Variants in NDUFAF2 observed in about 807,000 individuals in gnomAD.
NDUFAF2 encodes NADH dehydrogenase [ubiquinone] 1 alpha subcomplex assembly factor 2.
NDUFAF2 carries 13 observed loss-of-function variants against 22.8 expected under a neutral mutation model. That is an observed-to-expected ratio of 0.57 (90% confidence interval 0.37 to 0.91). The LOEUF (loss-of-function observed/expected upper bound fraction) is 0.91. NDUFAF2 is among the 40% of genes least tolerant of loss of function. The pLI is 0.01. For synonymous variants in NDUFAF2, 53 were observed against 64.2 expected, an observed-to-expected ratio of 0.83 and a Z score of 0.84; for missense variants, 162 against 195.2, an observed-to-expected ratio of 0.83 and a Z score of 1.01.
intron 1 of NDUFAF2, among the ~76,000 whole-genome samples, chr5:60,986,524 C>T (rs370582729): frequency 2.4e-4 from 37 of 151,920 alleles, no homozygotes; most frequent in African/African-American, 8.7e-4. Flanking sequence ...TTAGAAAGTT[C>T]TCAACCTAAT....
At chr5:61,008,034 C>T (rs1196574944) in intron 1 of NDUFAF2, among the ~76,000 whole-genome samples, 1 of 151,466 alleles carries the variant, frequency 6.6e-6, no homozygotes, top group Non-Finnish European at 1.5e-5. Flanking sequence ...TCATCATTCT[C>T]AGTAAACTAT....
At chr5:61,100,243 G>A (rs762868532) in intron 3 of NDUFAF2, among the ~76,000 whole-genome samples, 9 of 152,110 alleles carry the variant, frequency 5.9e-5, no homozygotes, top group Non-Finnish European at 1.3e-4. Flanking sequence ...AAGAGCTACT[G>A]TTATCATTTG....
At chr5:60,981,544 A>G (rs1750977164) in intron 1 of NDUFAF2, among the ~76,000 whole-genome samples, 1 of 152,224 alleles carries the variant, frequency 6.6e-6, no homozygotes, top group South Asian at 2.1e-4. Flanking sequence ...ATACTGTCAC[A>G]CTGAAGTTAT....
chr5:61,039,962 C>T (rs912836724), intron 1 of NDUFAF2, among the ~76,000 whole-genome samples: 2 of 152,040 alleles, frequency 1.3e-5, no homozygotes, highest in African/African-American at 4.8e-5. Flanking sequence ...CATCTCAGAT[C>T]CATTACTGAA....
chr5:61,133,560 G>A lies in NDUFAF2; in HGVS notation c.259-19144G>A, dbSNP rs183793930. On this transcript the variant is annotated intron_variant, in intron 3 of 3. Coordinates refer to ENST00000296597, the MANE Select transcript of NDUFAF2 (RefSeq NM_174889.5). The stretch of plus-strand genomic sequence containing the variant: ...TTTCTCAATTTTCAGCGTTACAAAG[G>A]GAAGGGGTATAAGCAATTTAAAAAA... Among the ~76,000 whole-genome samples, 704 of 152,120 alleles carry A rather than the reference G, an allele frequency of 4.6e-3. 1 individual carries two copies. Among genetic ancestry groups the A allele is most frequent in the Non-Finnish European group, 7.0e-3 (478 of 67,960 alleles).
intron 3 of NDUFAF2, among the ~76,000 whole-genome samples, chr5:61,124,264 T>G (rs1002559383): frequency 6.6e-6 from 1 of 152,092 alleles, no homozygotes; most frequent in African/African-American, 2.4e-5. Context: ...TATCAGATAA[T>G]TAATGCTTTT....
intron 1 of NDUFAF2, among the ~76,000 whole-genome samples, chr5:61,061,191 G>C (rs1021532384): frequency 5.3e-5 from 8 of 152,122 alleles, no homozygotes; most frequent in African/African-American, 1.9e-4. Context: ...ACTATATGCA[G>C]AAGAAAGGGA....
intron 3 of NDUFAF2, among the ~76,000 whole-genome samples, chr5:61,148,722 T>G (rs890069370): frequency 1.3e-5 from 2 of 152,224 alleles, no homozygotes; most frequent in African/African-American, 2.4e-5. Context: ...GAGCCCAAAT[T>G]CTATGCCACT....
At chr5:61,014,467 G>C (rs1458147051) in intron 1 of NDUFAF2, among the ~76,000 whole-genome samples, 1 of 152,140 alleles carries the variant, frequency 6.6e-6, no homozygotes, top group Non-Finnish European at 1.5e-5. Flanking sequence ...TGAATAAATT[G>C]TCTTCCTGAG....
chr5:61,140,293 T>C (rs1346059386), intron 3 of NDUFAF2, among the ~76,000 whole-genome samples: 1 of 152,256 alleles, frequency 6.6e-6, no homozygotes, highest in East Asian at 1.9e-4. Context: ...ACAATCTTTT[T>C]TTGTCTGTCT....
At chr5:61,097,837 C>G (rs1215908196) in intron 2 of NDUFAF2, among the ~76,000 whole-genome samples, 1 of 152,156 alleles carries the variant, frequency 6.6e-6, no homozygotes, top group Non-Finnish European at 1.5e-5. Flanking sequence ...TTTTTAGAGC[C>G]AGAGACAGGG....
intron 1 of NDUFAF2, among the ~76,000 whole-genome samples, chr5:60,991,805 T>C (rs961173282): frequency 6.6e-6 from 1 of 152,186 alleles, no homozygotes; most frequent in African/African-American, 2.4e-5. Flanking sequence ...CTTTGGGGTA[T>C]GTACCTAGGG....
chr5:61,028,533 T>C (rs1018154456), intron 1 of NDUFAF2, among the ~76,000 whole-genome samples: 6 of 152,152 alleles, frequency 3.9e-5, no homozygotes, highest in African/African-American at 1.2e-4. Context: ...CCTAAAGTAT[T>C]ATTGTTAATA....
intron 2 of NDUFAF2, among the ~76,000 whole-genome samples, chr5:61,074,920 G>A (rs1018178874): frequency 3.9e-5 from 6 of 152,124 alleles, no homozygotes; most frequent in Non-Finnish European, 8.8e-5. Flanking sequence ...GCGTGGCAGC[G>A]GGAGAGAGAA....
chr5:61,082,235 G>T (rs909862141), intron 2 of NDUFAF2, among the ~76,000 whole-genome samples: 2 of 152,070 alleles, frequency 1.3e-5, no homozygotes, highest in African/African-American at 4.8e-5. Context: ...ATCATTCTTG[G>T]GGATGAAATA....
chr5:60,955,098 TTTG>T (rs1332130989), intron 1 of NDUFAF2, among the ~76,000 whole-genome samples: 1 of 152,206 alleles, frequency 6.6e-6, no homozygotes, highest in Non-Finnish European at 1.5e-5. Context: ...TATTTTTGCT[TTTG>T]TTGTTTTGTG....
chr5:61,039,805 T>G (rs1459526777), intron 1 of NDUFAF2, among the ~76,000 whole-genome samples: 3 of 152,216 alleles, frequency 2.0e-5, no homozygotes, highest in Non-Finnish European at 4.4e-5. Flanking sequence ...TTAATTCTGA[T>G]GAGGTATGCT....
intron 1 of NDUFAF2, chr5:61,050,611 C>G (rs1410511716): frequency 6.6e-6 from 1 of 152,078 alleles, no homozygotes; most frequent in Non-Finnish European, 1.5e-5. Context: ...TGTCCTCAGA[C>G]TAGAACTACT....
chr5:61,112,283 G>A (rs549995930), intron 3 of NDUFAF2, among the ~76,000 whole-genome samples: 4 of 146,354 alleles, frequency 2.7e-5, no homozygotes, highest in East Asian at 4.1e-4. Flanking sequence ...GTGCCATCTC[G>A]GCTCACTGCA....
Sources: gnomAD v4.1 joint callset for allele counts (sites outside exome capture counted in the v4.1 genomes callset) on GRCh38, gnomAD v4.1.1 for gene constraint, MANE v1.5 for transcripts, NCBI Gene and HGNC (gene_info 2026-07-23, HGNC 2026-07-21) for gene names.